The following ZFHX4 variants were observed in gnomAD, a reference collection of about 807,000 sequenced individuals.
ZFHX4 encodes zinc finger homeobox protein 4.
A neutral mutation model predicts 267.6 loss-of-function variants in ZFHX4; 56 were observed. That is an observed-to-expected ratio of 0.21 (90% CI 0.17 to 0.26). ZFHX4 has a LOEUF of 0.26. Among genes scored for constraint, ZFHX4 ranks in the 10% least tolerant of loss-of-function variants. The pLI is 1.00. For missense variants in ZFHX4, 4,332 were observed against 4,420.0 expected, an observed-to-expected ratio of 0.98 and a Z score of 0.56; for synonymous variants, 1,778 against 1,665.6, an observed-to-expected ratio of 1.07 and a Z score of -1.64.
chr8:76,781,314 T>C (rs1224543530), intron 4 of ZFHX4, among the ~76,000 whole-genome samples: 3 of 152,108 alleles, frequency 2.0e-5, no homozygotes, highest in African/African-American at 4.8e-5. Context: ...TTGTAATGAG[T>C]ACATTGTAAT....
At chr8:76,693,492 G>A (rs889636320) in intron 1 of ZFHX4, 4 of 151,926 alleles carry the variant, frequency 2.6e-5, no homozygotes, top group Admixed American at 6.6e-5. Flanking sequence ...GAGTGCAGCT[G>A]AAGAAATTGA....
intron 10 of ZFHX4, among the ~76,000 whole-genome samples, 180 bp from the exon 11 acceptor site, chr8:76,862,914 T>C (rs1402045928): frequency 6.6e-6 from 1 of 152,158 alleles, no homozygotes; most frequent in East Asian, 1.9e-4. Flanking sequence ...AGAAATATTA[T>C]AAACACAGGA....
At chr8:76,744,176 T>G (rs1172837497) in intron 3 of ZFHX4, among the ~76,000 whole-genome samples, 1 of 151,980 alleles carries the variant, frequency 6.6e-6, no homozygotes, top group African/African-American at 2.4e-5. Context: ...CGAAACCCTG[T>G]CTCTACTAAA....
At chr8:76,821,865 C>T (rs1487617818) in intron 4 of ZFHX4, among the ~76,000 whole-genome samples, 2 of 152,066 alleles carry the variant, frequency 1.3e-5, no homozygotes, top group African/African-American at 4.8e-5. Context: ...AGGAGTGAAT[C>T]CCAGGCTCAA....
chr8:76,865,623 C>CAT lies in ZFHX4; in HGVS notation c.*1058_*1059insAT, dbSNP rs1357581831. On this transcript the variant is annotated 3_prime_UTR_variant, in exon 11 of 11. Coordinates refer to ENST00000651372, the MANE Select transcript of ZFHX4 (RefSeq NM_024721.5). ...GCATAAATGAAAGTAGTACTGTATA[C>CAT]TTGAAACTGTTTAAGTACAAGTTGA... 3 of 152,378 alleles carry CAT rather than the reference C, an allele frequency of 2.0e-5. No homozygotes were observed. Among genetic ancestry groups the CAT allele is most frequent in the Non-Finnish European group, 4.4e-5 (3 of 67,992 alleles). The allele number at this position is 152,378 out of a possible 1,614,324, so 9.4% of individuals were successfully genotyped here.
intron 3 of ZFHX4, among the ~76,000 whole-genome samples, 168 bp from the exon 4 acceptor site, chr8:76,778,040 A>G (rs1236811852): frequency 6.6e-6 from 1 of 152,080 alleles, no homozygotes; most frequent in African/African-American, 2.4e-5. Flanking sequence ...ATGTATCTGC[A>G]CGGAATTAAT....
At position 76,735,404 on chromosome 8, in the gene ZFHX4, C is replaced by T. The variant is rs151326542; in HGVS notation, c.3093+27356C>T. Among the ~76,000 whole-genome samples the T allele has an allele frequency of 2.5e-3, 383 of 152,148 alleles. 2 individuals are homozygous for T. The highest frequency in any genetic ancestry group is 8.9e-3 in the African/African-American group (370 of 41,558). ...AACCATGGAAAAAAGCTCATCTTTTCTATTTTCACACACAAAAAAGAATTA... is the reference window on the plus strand; with the variant it reads ...AACCATGGAAAAAAGCTCATCTTTTTTATTTTCACACACAAAAAAGAATTA... On this transcript the variant is annotated intron_variant, in intron 3 of 10. Coordinates refer to ENST00000651372, the MANE Select transcript of ZFHX4 (RefSeq NM_024721.5).
chr8:76,825,949 G>C (rs575349604), intron 4 of ZFHX4, among the ~76,000 whole-genome samples: 1 of 152,320 alleles, frequency 6.6e-6, no homozygotes, highest in South Asian at 2.1e-4. Flanking sequence ...CAGCTTGCTT[G>C]AGAGTAAAGG....
intron 3 of ZFHX4, among the ~76,000 whole-genome samples, chr8:76,758,749 C>A (rs1467968624): frequency 6.6e-6 from 1 of 152,032 alleles, no homozygotes; most frequent in African/African-American, 2.4e-5. Context: ...TTGCCTTGGC[C>A]CCCCAAAGTG....
In ZFHX4 at chr8:76,849,695, G is replaced by A. The variant is rs368967335; in HGVS notation, c.3829G>A (p.Glu1277Lys). 3.3e-5 allele frequency: 53 copies of A among 1,613,794 alleles called. No homozygotes were observed. In the African/African-American group the frequency reaches 4.4e-4, roughly 13 times the overall value. ...GCACAGTGTGTCTCCAGACTGTGTG[G>A]AGAAGCTGCTTATGACAGTAAGGAT... ...HLHSVSPDCV[E>K]KLLMTVPVPD... The change falls in exon 8 of 11, where the codon GAG becomes AAG. Residue 1277 changes from glutamate to lysine, a missense_variant. This residue lies in a region of ZFHX4 where 1,371 missense variants were observed against 1,423.1 expected (regional missense o/e 0.96). Transcript: ENST00000651372.
intron 1 of ZFHX4, among the ~76,000 whole-genome samples, chr8:76,681,846 C>G (rs946114281): frequency 5.9e-5 from 9 of 152,114 alleles, no homozygotes; most frequent in African/African-American, 1.7e-4. Context: ...CTATCTCTTT[C>G]CCCTTTTTTT....
intron 1 of ZFHX4, among the ~76,000 whole-genome samples, chr8:76,696,890 T>A (rs1263769614): frequency 6.6e-6 from 1 of 151,998 alleles, no homozygotes; most frequent in Non-Finnish European, 1.5e-5. Context: ...TATAGTAAGA[T>A]GCACTTGGTA....
At chr8:76,722,568 T>C (rs191756043) in intron 3 of ZFHX4, among the ~76,000 whole-genome samples, 11 of 151,984 alleles carry the variant, frequency 7.2e-5, no homozygotes, top group Admixed American at 7.2e-4. Flanking sequence ...GGGTATTTTC[T>C]ATCTTAAGGT....
intron 5 of ZFHX4, among the ~76,000 whole-genome samples, chr8:76,835,249 A>ATGTG (rs1259546326): frequency 1.1e-5 from 1 of 93,964 alleles, no homozygotes; most frequent in African/African-American, 4.4e-5. Flanking sequence ...ATGTATATAT[A>ATGTG]TATATATATA....
At chr8:76,736,615 G>A (rs1265294207) in intron 3 of ZFHX4, among the ~76,000 whole-genome samples, 1 of 152,048 alleles carries the variant, frequency 6.6e-6, no homozygotes, top group South Asian at 2.1e-4. Context: ...GAAGAATGAG[G>A]TTAGAACAGT....
intron 3 of ZFHX4, among the ~76,000 whole-genome samples, chr8:76,712,544 T>C (rs891651769): frequency 7.2e-5 from 11 of 152,082 alleles, no homozygotes; most frequent in African/African-American, 2.4e-4. Context: ...ACTGTCATTG[T>C]CCCGGTGTGA....
intron 4 of ZFHX4, among the ~76,000 whole-genome samples, chr8:76,791,877 C>T (rs551140722): frequency 6.6e-6 from 1 of 152,120 alleles, no homozygotes; most frequent in Non-Finnish European, 1.5e-5. Context: ...ATATTCTACA[C>T]AAAACCTTAC....
At chr8:76,835,255 A>ATATATATGTATATATATG (rs1812061796) in intron 5 of ZFHX4, among the ~76,000 whole-genome samples, 1 of 142,656 alleles carries the variant, frequency 7.0e-6, no homozygotes, top group African/African-American at 2.6e-5. Flanking sequence ...ATATATATAT[A>ATATATATGTATATATATG]TATATTCATA....
chr8:76,729,795 A>C (rs1339258573), intron 3 of ZFHX4, among the ~76,000 whole-genome samples: 3 of 152,248 alleles, frequency 2.0e-5, no homozygotes, highest in Non-Finnish European at 4.4e-5. Context: ...GAAAAGCTCC[A>C]GACCAGGGTA....
Sources: allele counts gnomAD v4.1 joint callset (sites outside exome capture counted in the v4.1 genomes callset), GRCh38; gene constraint gnomAD v4.1.1; regional missense constraint gnomAD v4.1.1; transcripts MANE v1.5; gene names NCBI Gene and HGNC (gene_info 2026-07-23, HGNC 2026-07-21).